The following HECW1 variants were observed in gnomAD, a reference collection of about 807,000 sequenced individuals.
HECW1 encodes the protein E3 ubiquitin-protein ligase HECW1.
A neutral mutation model predicts 182.3 loss-of-function variants in HECW1; 61 were observed. That is an observed-to-expected ratio of 0.33 (90% confidence interval 0.27 to 0.41). The LOEUF (loss-of-function observed/expected upper bound fraction) is 0.41. HECW1 is among the 10% of genes least tolerant of loss of function. The probability of loss-of-function intolerance (pLI) is 1.00; values close to 1 mark genes in which losing one functional copy is unlikely to be tolerated. For synonymous variants in HECW1, 859 were observed against 832.6 expected (o/e 1.03, Z -0.55); for missense variants, 1,739 against 2,108.9 (o/e 0.82, Z 3.44).
At chr7:43,155,816 T>C (rs1286813355) in intron 2 of HECW1, among the ~76,000 whole-genome samples, 1 of 152,144 alleles carries the variant, frequency 6.6e-6, no homozygotes, top group Non-Finnish European at 1.5e-5. Context: ...CTCAGAGAGG[T>C]CCTGCCACCT....
chr7:43,515,203 G>A (rs2080084380), intron 24 of HECW1, among the ~76,000 whole-genome samples: 2 of 152,180 alleles, frequency 1.3e-5, no homozygotes, highest in Admixed American at 1.3e-4. Context: ...GAGAGAAAGA[G>A]GCTGGAAAGG....
intron 8 of HECW1, among the ~76,000 whole-genome samples, chr7:43,415,649 A>G (rs1194553147): frequency 2.0e-5 from 3 of 147,366 alleles, no homozygotes; most frequent in African/African-American, 7.5e-5. Context: ...CATTCTCCCC[A>G]TCACTTTCAG....
chr7:43,536,303 T>C (rs1187757116), intron 24 of HECW1, among the ~76,000 whole-genome samples: 1 of 152,248 alleles, frequency 6.6e-6, no homozygotes, highest in Non-Finnish European at 1.5e-5. Context: ...GGTGATGGCA[T>C]GTCAGAATCT....
chr7:43,153,718 C>T (rs1229895975), intron 2 of HECW1, among the ~76,000 whole-genome samples: 3 of 151,962 alleles, frequency 2.0e-5, no homozygotes, highest in Non-Finnish European at 4.4e-5. Flanking sequence ...GAGGTCTGAC[C>T]GAGGAAAATG....
chr7:43,165,398 G>A (rs1017625895), intron 2 of HECW1, among the ~76,000 whole-genome samples: 10 of 75,438 alleles, frequency 1.3e-4, no homozygotes, highest in Middle Eastern at 5.9e-3. Flanking sequence ...GGCTTTTGGC[G>A]GGGGGGGGTG....
chr7:43,121,550 G>GAT (rs1290860748), intron 2 of HECW1, among the ~76,000 whole-genome samples: 3 of 151,906 alleles, frequency 2.0e-5, no homozygotes, highest in Non-Finnish European at 2.9e-5. Context: ...AACATATAGT[G>GAT]ATATGTAAAA....
chr7:43,512,357 C>T (rs758534196), intron 24 of HECW1, among the ~76,000 whole-genome samples: 3 of 152,204 alleles, frequency 2.0e-5, no homozygotes, highest in Non-Finnish European at 2.9e-5. Flanking sequence ...ATAAGCATAA[C>T]CACAGACCCG....
chr7:43,468,543 A>G (rs1192575942), intron 15 of HECW1, among the ~76,000 whole-genome samples: 1 of 150,450 alleles, frequency 6.6e-6, no homozygotes, highest in East Asian at 2.0e-4. Flanking sequence ...TTTTTTGGAG[A>G]CAAGGCCTTG....
Position 43,306,848 on chromosome 7 carries a change from G to T in HECW1, c.28-4915G>T, listed in dbSNP as rs148629206. Among the ~76,000 whole-genome samples, 171 of 152,116 alleles carry T rather than the reference G, an allele frequency of 1.1e-3. 1 individual carries two copies. The highest frequency in any genetic ancestry group is 3.8e-3 in the African/African-American group (156 of 41,504). ...AGAAGTGATGATTTTCTGCTTTTAAGATTCTGTTTTTTTACAGGTTTTGTT... is the reference window on the plus strand; with the variant it reads ...AGAAGTGATGATTTTCTGCTTTTAATATTCTGTTTTTTTACAGGTTTTGTT... On this transcript the variant is annotated intron_variant, in intron 3 of 29. Transcript: ENST00000395891.
chr7:43,557,103 T>C (rs2082053496), intron 29 of HECW1, among the ~76,000 whole-genome samples: 1 of 152,122 alleles, frequency 6.6e-6, no homozygotes, highest in Non-Finnish European at 1.5e-5. Flanking sequence ...AAATGTCATC[T>C]ATGTGTGGAT....
intron 3 of HECW1, among the ~76,000 whole-genome samples, chr7:43,247,881 AAAGGG>A (rs1420965145): frequency 1.3e-5 from 1 of 77,610 alleles, no homozygotes; most frequent in Admixed American, 1.1e-4. Flanking sequence ...AGCAAGCAAG[AAAGGG>A]AGGGAGAGAG....
At chr7:43,496,573 G>C (rs1008520550) in intron 19 of HECW1, among the ~76,000 whole-genome samples, 1 of 152,126 alleles carries the variant, frequency 6.6e-6, no homozygotes, top group Non-Finnish European at 1.5e-5. Flanking sequence ...GAAGGTTCAG[G>C]AGTTGAAGAG....
intron 3 of HECW1, among the ~76,000 whole-genome samples, chr7:43,279,514 T>C (rs1048022329): frequency 4.6e-5 from 7 of 152,194 alleles, no homozygotes; most frequent in African/African-American, 1.7e-4. Context: ...TCTTCTTTTT[T>C]ACTATGCTGG....
rs779236493 is a variant in HECW1, at chr7:43,565,985, C to T, written c.*4059C>T. ...ACCATCTTCAAGGAATGTCAATAAA[C>T]TCACTTTGGTATGGCATTGTGTATG... On this transcript the variant is annotated 3_prime_UTR_variant, in exon 30 of 30. Coordinates refer to ENST00000395891, the MANE Select transcript of HECW1 (RefSeq NM_015052.5). 1 of 189,008 alleles carries T rather than the reference C, an allele frequency of 5.3e-6. No homozygotes were observed. 11.7% of individuals were successfully genotyped at this position (189,008 alleles called of 1,614,324 possible).
Position 43,176,235 on chromosome 7 carries a change from C to A in HECW1, c.-32+61844C>A, listed in dbSNP as rs566911497. On this transcript the variant is annotated intron_variant, in intron 2 of 29. Coordinates refer to ENST00000395891, the MANE Select transcript of HECW1 (RefSeq NM_015052.5). ...TTGTGGCTGAACTGTAAAAGAAACTCTCAATGTCTCCTTTTGCTCTGCCAT... is the reference window on the plus strand; with the variant it reads ...TTGTGGCTGAACTGTAAAAGAAACTATCAATGTCTCCTTTTGCTCTGCCAT... Among the ~76,000 whole-genome samples the A allele has an allele frequency of 2.0e-4, 31 of 152,252 alleles. No individual in the cohort carries two copies. In the East Asian group the frequency reaches 5.6e-3, roughly 27 times the overall value.
chr7:43,559,452 T>G (rs2082137939), intron 29 of HECW1, among the ~76,000 whole-genome samples: 1 of 152,222 alleles, frequency 6.6e-6, no homozygotes, highest in South Asian at 2.1e-4. Context: ...GTTGCATTAT[T>G]AAGAGAATCT....
chr7:43,497,993 C>A (rs1230471898), intron 19 of HECW1, among the ~76,000 whole-genome samples: 1 of 152,114 alleles, frequency 6.6e-6, no homozygotes, highest in Non-Finnish European at 1.5e-5. Flanking sequence ...GGAAAGTGTG[C>A]TCTGGAGTTC....
At chr7:43,480,704 C>T (rs1322941464) in intron 17 of HECW1, among the ~76,000 whole-genome samples, 12 of 150,184 alleles carry the variant, frequency 8.0e-5, no homozygotes, top group Non-Finnish European at 5.9e-5. Flanking sequence ...TATACACACA[C>T]ACACACATAT....
chr7:43,139,218 A>G (rs1282606365), intron 2 of HECW1, among the ~76,000 whole-genome samples: 2 of 152,260 alleles, frequency 1.3e-5, no homozygotes, highest in African/African-American at 2.4e-5. Context: ...AGCATTTGGC[A>G]TGAAACTCTT....
Sources: gnomAD v4.1 joint callset for allele counts (sites outside exome capture counted in the v4.1 genomes callset) on GRCh38, gnomAD v4.1.1 for gene constraint, MANE v1.5 for transcripts, NCBI Gene and HGNC (gene_info 2026-07-23, HGNC 2026-07-21) for gene names.